Variants in ADCY2 observed in about 807,000 individuals in gnomAD.
ADCY2 encodes adenylate cyclase 2.
In ADCY2, 31 loss-of-function variants were observed where a neutral mutation model predicts 125.2. That is an observed-to-expected ratio of 0.25 (90% CI 0.19 to 0.33). ADCY2 has a LOEUF of 0.33. Among genes scored for constraint, ADCY2 ranks in the 10% least tolerant of loss-of-function variants. The pLI is 1.00. For missense variants in ADCY2, 904 were observed against 1,418.2 expected, an observed-to-expected ratio of 0.64 and a Z score of 5.82; for synonymous variants, 512 against 548.4, an observed-to-expected ratio of 0.93 and a Z score of 0.93.
intron 4 of ADCY2, among the ~76,000 whole-genome samples, chr5:7,652,325 CAGAA>C (rs1166644121): frequency 6.6e-6 from 1 of 152,186 alleles, no homozygotes; most frequent in East Asian, 1.9e-4. Flanking sequence ...AGAAAGAGAA[CAGAA>C]AGAGAGAGAT....
chr5:7,755,285 G>A (rs534631127), intron 15 of ADCY2, among the ~76,000 whole-genome samples: 2 of 152,278 alleles, frequency 1.3e-5, no homozygotes, highest in East Asian at 1.9e-4. Flanking sequence ...GAAATGAGAC[G>A]AGGGCGCAGG....
intron 2 of ADCY2, among the ~76,000 whole-genome samples, chr5:7,426,112 T>G (rs1740377273): frequency 6.6e-6 from 1 of 152,142 alleles, no homozygotes; most frequent in African/African-American, 2.4e-5. Context: ...ATAAGGAAAG[T>G]CCATTTCATT....
chr5:7,804,379 T>A (rs185814837), intron 21 of ADCY2, among the ~76,000 whole-genome samples: 160 of 152,372 alleles, frequency 1.1e-3, no homozygotes, highest in African/African-American at 3.7e-3. Flanking sequence ...TAAATCATTA[T>A]GCTGTACTTT....
Position 7,418,647 on chromosome 5 carries a change from G to GTTTTTTTTTTTTTTTTTT in ADCY2, c.408+3886_408+3903dup, listed in dbSNP as rs869287430. On this transcript the variant is annotated intron_variant, in intron 2 of 24. Coordinates refer to ENST00000338316, the MANE Select transcript of ADCY2 (RefSeq NM_020546.3). ...AATTAAAAACAAAAGTCTACCTTCTGTTTTTTTTTTTTTTTTTTTTTTTTT... is the reference window on the plus strand; with the variant it reads ...AATTAAAAACAAAAGTCTACCTTCTGTTTTTTTTTTTTTTTTTTTTTTTTTTTTTTTTTTTTTTTTTTT... Among the ~76,000 whole-genome samples, 51 of 73,766 alleles carry GTTTTTTTTTTTTTTTTTT rather than the reference G, an allele frequency of 6.9e-4. 11 individuals carry two copies. Among genetic ancestry groups the GTTTTTTTTTTTTTTTTTT allele is most frequent in the Non-Finnish European group, 8.3e-4 (32 of 38,670 alleles). 48.4% of individuals were successfully genotyped at this position (73,766 alleles called of 152,430 possible).
chr5:7,704,941 T>A (rs1352772568), intron 7 of ADCY2, among the ~76,000 whole-genome samples: 1 of 152,106 alleles, frequency 6.6e-6, no homozygotes, highest in African/African-American at 2.4e-5. Context: ...ACTCATTTTT[T>A]AAAAAAGACA....
intron 2 of ADCY2, among the ~76,000 whole-genome samples, chr5:7,455,708 A>C (rs1018075243): frequency 6.9e-6 from 1 of 145,400 alleles, no homozygotes; most frequent in Non-Finnish European, 1.5e-5. Context: ...TATTAACATA[A>C]TTATATTATG....
At chr5:7,640,983 C>A (rs1738683860) in intron 4 of ADCY2, among the ~76,000 whole-genome samples, 1 of 152,172 alleles carries the variant, frequency 6.6e-6, no homozygotes, top group South Asian at 2.1e-4. Flanking sequence ...ACTGTTCAGC[C>A]TTTCATCATT....
chr5:7,449,978 G>A (rs946190999), intron 2 of ADCY2, among the ~76,000 whole-genome samples: 3 of 152,178 alleles, frequency 2.0e-5, no homozygotes, highest in East Asian at 3.8e-4. Context: ...TACATGCTGT[G>A]TGTCTTTTGA....
At chr5:7,419,946 A>G (rs1440383040) in intron 2 of ADCY2, among the ~76,000 whole-genome samples, 1 of 152,166 alleles carries the variant, frequency 6.6e-6, no homozygotes, top group Admixed American at 6.5e-5. Context: ...AAGTGCAGAG[A>G]CGAAGGCACA....
chr5:7,766,803 C>T lies in ADCY2; in HGVS notation c.2211C>T (p.Leu737=), dbSNP rs1743396869. Residue 737 remains leucine (L), a synonymous_variant, in exon 17 of 25, where the codon CTC becomes CTT. Coordinates refer to ENST00000338316, the MANE Select transcript of ADCY2 (RefSeq NM_020546.3). ...AILRAQNLFF[L]PYFIYSCILG... ...TGCGTGCGCAGAATTTATTTTTCCTCCCGGTAAGAACATTGCAATTATGAC... is the reference window on the plus strand; with the variant it reads ...TGCGTGCGCAGAATTTATTTTTCCTTCCGGTAAGAACATTGCAATTATGAC... The T allele has an allele frequency of 2.5e-6, 4 of 1,610,656 alleles. No individual in the cohort carries two copies. Among genetic ancestry groups the T allele is most frequent in the Admixed American group, 1.7e-5 (1 of 58,950 alleles).
intron 1 of ADCY2, among the ~76,000 whole-genome samples, chr5:7,411,947 C>T (rs373310075): frequency 4.0e-5 from 6 of 151,368 alleles, no homozygotes; most frequent in East Asian, 1.9e-4. Flanking sequence ...TAGTGGCGGG[C>T]GCCTGTAGTC....
In ADCY2 at chr5:7,415,470, T is replaced by A. The variant is rs13361645; in HGVS notation, c.408+700T>A. On this transcript the variant is annotated intron_variant, in intron 2 of 24. Coordinates refer to ENST00000338316, the MANE Select transcript of ADCY2 (RefSeq NM_020546.3). ...GTTTCGACAACTCAGTCCTTCTGTT[T>A]CCGGAGTGCCTTGTCTAGGCTTCCT... Among the ~76,000 whole-genome samples, 363 of 152,330 alleles carry A rather than the reference T, an allele frequency of 2.4e-3. 1 individual carries two copies. Among genetic ancestry groups the A allele is most frequent in the African/African-American group, 8.6e-3 (359 of 41,578 alleles).
At chr5:7,593,857 G>T (rs186757359) in intron 3 of ADCY2, among the ~76,000 whole-genome samples, 15 of 152,274 alleles carry the variant, frequency 9.9e-5, no homozygotes, top group Admixed American at 3.3e-4. Context: ...GAAAAGTAAA[G>T]CAGGAAACGC....
At chr5:7,415,666 A>G (rs1739911997) in intron 2 of ADCY2, among the ~76,000 whole-genome samples, 1 of 152,180 alleles carries the variant, frequency 6.6e-6, no homozygotes, top group African/African-American at 2.4e-5. Context: ...TGAAAAACCC[A>G]CATTCATTCA....
intron 19 of ADCY2, among the ~76,000 whole-genome samples, chr5:7,785,888 A>G (rs1157097744): frequency 6.6e-6 from 1 of 152,202 alleles, no homozygotes; most frequent in Non-Finnish European, 1.5e-5. Context: ...GATGATACAC[A>G]TTCAGTACCA....
At chr5:7,526,053 G>A (rs936553038) in intron 3 of ADCY2, among the ~76,000 whole-genome samples, 1 of 152,120 alleles carries the variant, frequency 6.6e-6, no homozygotes, top group Non-Finnish European at 1.5e-5. Context: ...CCCCTCACCT[G>A]GGTGTCCTCT....
intron 3 of ADCY2, among the ~76,000 whole-genome samples, chr5:7,573,593 C>CTTTTTTTTTTTTTTT (rs763347773): frequency 1.2e-5 from 1 of 86,376 alleles, no homozygotes; most frequent in Non-Finnish European, 2.4e-5. Flanking sequence ...GGTTGATTTT[C>CTTTTTTTTTTTTTTT]TTTTTTTTTT....
chr5:7,424,973 G>A (rs1237612203), intron 2 of ADCY2, among the ~76,000 whole-genome samples: 1 of 152,116 alleles, frequency 6.6e-6, no homozygotes, highest in African/African-American at 2.4e-5. Context: ...AAGGGCACTG[G>A]AAGGGCATTC....
At chr5:7,557,908 G>A (rs1028979594) in intron 3 of ADCY2, among the ~76,000 whole-genome samples, 2 of 152,120 alleles carry the variant, frequency 1.3e-5, no homozygotes, top group African/African-American at 2.4e-5. Context: ...TTGCTAGGTC[G>A]AATGGTATGT....
Sources: gnomAD v4.1 joint callset for allele counts (sites outside exome capture counted in the v4.1 genomes callset) on GRCh38, gnomAD v4.1.1 for gene constraint, MANE v1.5 for transcripts, NCBI Gene and HGNC (gene_info 2026-07-23, HGNC 2026-07-21) for gene names.